IGHMBP2: variants seen among roughly 807,000 people sequenced by gnomAD.
The protein encoded by IGHMBP2 is immunoglobulin mu DNA binding protein 2.
Under a neutral mutation model 96.0 loss-of-function variants are expected in IGHMBP2, and 81 were observed. That is an observed-to-expected ratio of 0.84 (90% confidence interval 0.71 to 1.01). The LOEUF is 1.01. Among genes scored for constraint, IGHMBP2 ranks in the 50% least tolerant of loss-of-function variants. IGHMBP2 has a pLI of 0.00. For missense variants in IGHMBP2, 1,227 were observed against 1,306.3 expected (o/e 0.94, Z 0.94); for synonymous variants, 557 against 548.9 (o/e 1.01, Z -0.21).
At chr11:68,908,015 A>G (rs549057811) in intron 2 of IGHMBP2, 130 bp from the exon 3 acceptor site, 1 of 844,924 alleles carries the variant, frequency 1.2e-6, no homozygotes, top group Non-Finnish European at 2.0e-6. Context: ...TTTTTTTTTA[A>G]CTGTTACTGA....
intron 4 of IGHMBP2, 126 bp from the exon 5 acceptor site, chr11:68,911,314 C>A: frequency 3.4e-6 from 3 of 884,424 alleles, no homozygotes; most frequent in Non-Finnish European, 5.5e-6. Context: ...GATTGGGTTG[C>A]CCCTGGGGAG....
intron 4 of IGHMBP2, among the ~76,000 whole-genome samples, chr11:68,910,780 G>A: frequency 6.6e-6 from 1 of 151,926 alleles, no homozygotes; most frequent in East Asian, 1.9e-4. Context: ...CTACTCTGGA[G>A]GCTGAGGCAG....
chr11:68,914,980 C>A lies in IGHMBP2; in HGVS notation c.869C>A (p.Ala290Asp). The change falls in exon 6 of 15, where the codon GCC (alanine) becomes GAC (aspartate). Residue 290 changes from alanine to aspartate, a missense_variant. Around this residue, in one of 3 missense-constraint regions of IGHMBP2, gnomAD observed 507 missense variants for 496.9 expected, o/e 1.02. Coordinates refer to ENST00000255078, the MANE Select transcript of IGHMBP2 (RefSeq NM_002180.3). ...GCGGTTTTAGCGCGGAGCGACAGTGCCCAGATTGTTGCAGATATCAGGAAG... is the reference window on the plus strand; with the variant it reads ...GCGGTTTTAGCGCGGAGCGACAGTGACCAGATTGTTGCAGATATCAGGAAG... ...LDAVLARSDSAQIVADIRKDI... is the reference protein window; with the variant it reads ...LDAVLARSDSDQIVADIRKDI... 6.2e-7 allele frequency: 1 copy of A among 1,614,070 alleles called. No homozygotes were observed. The highest frequency in any genetic ancestry group is 1.1e-5 in the South Asian group (1 of 91,066).
intron 10 of IGHMBP2, chr11:68,934,178 TG>T (rs2154008669): frequency 1.6e-6 from 1 of 611,272 alleles, no homozygotes; most frequent in Admixed American, 2.6e-5. Flanking sequence ...GGTCTGGTGA[TG>T]GGAACTGTCA....
At chr11:68,904,954 G>A (rs1462267785) in intron 1 of IGHMBP2, among the ~76,000 whole-genome samples, 2 of 151,802 alleles carry the variant, frequency 1.3e-5, no homozygotes, top group Non-Finnish European at 2.9e-5. Context: ...GCGCCACCAC[G>A]TCCTGCTAAT....
At chr11:68,930,547 A>G (rs1859251768) in intron 8 of IGHMBP2, 1 of 1,216,018 alleles carries the variant, frequency 8.2e-7, no homozygotes. Flanking sequence ...GCTCTGAAAG[A>G]TCGTCCTGGT....
In IGHMBP2 at chr11:68,936,961, G is replaced by T; in HGVS notation, c.2481G>T (p.Gln827His). 1 of 1,606,032 alleles carries T rather than the reference G, an allele frequency of 6.2e-7. No homozygotes were observed. ...QPPREQRGPD[Q>H]PDLRTLHLER... ...CCAGGGAGCAGCGTGGCCCAGACCA[G>T]CCTGATCTGAGGACGCTGCACCTGG... Residue 827 changes from glutamine (Q) to histidine (H), a missense_variant, in exon 13 of 15, where the codon CAG becomes CAT. By Grantham distance (24) the Gln-to-His change is conservative. Transcript: ENST00000255078.
intron 4 of IGHMBP2, among the ~76,000 whole-genome samples, chr11:68,910,012 A>G (rs955037257): frequency 1.2e-4 from 19 of 152,288 alleles, no homozygotes; most frequent in Admixed American, 9.2e-4. Flanking sequence ...GTCACTGCCC[A>G]TGATTTAACA....
chr11:68,925,142 CTTTTTTT>C lies in IGHMBP2; in HGVS notation c.1061-4026_1061-4020del, dbSNP rs921409570. ...TGCTCTAAGGAACAGAGTCCAGGTT[CTTTTTTT>C]TTTTTTTTTTTTTTGAGACAGCATC... On this transcript the variant is annotated intron_variant, in intron 7 of 14. Coordinates refer to ENST00000255078, the MANE Select transcript of IGHMBP2 (RefSeq NM_002180.3). Among the ~76,000 whole-genome samples, 82 of 108,708 alleles carry C rather than the reference CTTTTTTT, an allele frequency of 7.5e-4. 1 individual carries two copies. The South Asian group carries it at 0.024, about 31-fold the overall frequency. 71.3% of individuals were successfully genotyped at this position (108,708 alleles called of 152,430 possible).
intron 8 of IGHMBP2, chr11:68,929,709 C>G (rs953773688): frequency 4.1e-6 from 4 of 984,656 alleles, no homozygotes. Flanking sequence ...GCTAACTGGC[C>G]TCTGGGTGGA....
chr11:68,937,982 G>C, intron 13 of IGHMBP2, 200 bp from the exon 14 acceptor site: 2 of 629,102 alleles, frequency 3.2e-6, no homozygotes, highest in Non-Finnish European at 5.7e-6. Flanking sequence ...AATTAATAGA[G>C]ACGGGGTCTC....
At position 68,933,873 on chromosome 11, in the gene IGHMBP2, T is replaced by G; in HGVS notation, c.1497T>G (p.Phe499Leu). 2 of 1,604,878 alleles carry G rather than the reference T, an allele frequency of 1.2e-6. No individual in the cohort carries two copies. Among genetic ancestry groups the G allele is most frequent in the East Asian group, 2.2e-5 (1 of 44,622 alleles). ...LLVDTAGCGL[F>L]ELEEEDEQSK... ...TGGACACCGCCGGCTGCGGGCTGTT[T>G]GAGCTGGAGGAGGAGGACGAACAGT... The change falls in exon 10 of 15, where the codon TTT (phenylalanine) becomes TTG (leucine). Residue 499 changes from phenylalanine to leucine, a missense_variant. This residue lies in a region of IGHMBP2 where 703 missense variants were observed against 770.3 expected (regional missense o/e 0.91). Coordinates refer to ENST00000255078, the MANE Select transcript of IGHMBP2 (RefSeq NM_002180.3).
In IGHMBP2 at chr11:68,933,938, C is replaced by G. The variant is rs1458571205; in HGVS notation, c.1537+25C>G. 5.4e-6 allele frequency: 8 copies of G among 1,483,428 alleles called. No homozygotes were observed. The Admixed American group carries it at 7.5e-5, about 14-fold the overall frequency. The allele number at this position is 1,483,428 out of a possible 1,614,324, so 91.9% of individuals were successfully genotyped here. ...GGTGAGCTTGCTTGCAGATGGCCAGCTTTTTTGTTTAAACATACCTCCAGC... is the reference window on the plus strand; with the variant it reads ...GGTGAGCTTGCTTGCAGATGGCCAGGTTTTTTGTTTAAACATACCTCCAGC... On this transcript the variant is annotated intron_variant, in intron 10 of 14. Coordinates refer to ENST00000255078, the MANE Select transcript of IGHMBP2 (RefSeq NM_002180.3).
intron 13 of IGHMBP2, 155 bp from the exon 14 acceptor site, chr11:68,938,027 C>A: frequency 1.3e-6 from 1 of 779,180 alleles, no homozygotes; most frequent in South Asian, 1.4e-5. Flanking sequence ...TAGTTTTGAA[C>A]TCCTGGCCGC....
intron 11 of IGHMBP2, 92 bp from the exon 12 acceptor site, chr11:68,935,207 C>T: frequency 1.3e-6 from 2 of 1,534,240 alleles, no homozygotes; most frequent in Non-Finnish European, 1.8e-6. Flanking sequence ...CTGGCTGTTT[C>T]ACAGCGTGAG....
chr11:68,937,081 A>G lies in IGHMBP2; in HGVS notation c.2601A>G (p.Lys867=), dbSNP rs1463886387. ...GQQKLPEKKK[K]KAKGHPATDL... is the part of the protein sequence containing the mutation. ...AGAAACTTCCAGAAAAGAAAAAGAA[A>G]AAAGCCAAAGGTAAGTCAACTAATA... Residue 867 remains lysine (K), a synonymous_variant, in exon 13 of 15, where the codon AAA becomes AAG. Transcript: ENST00000255078. 2 of 1,598,198 alleles carry G rather than the reference A, an allele frequency of 1.3e-6. No individual in the cohort carries two copies. Among genetic ancestry groups the G allele is most frequent in the African/African-American group, 2.7e-5 (2 of 74,876 alleles).
At chr11:68,916,526 G>C (rs1302987689) in intron 6 of IGHMBP2, among the ~76,000 whole-genome samples, 1 of 152,168 alleles carries the variant, frequency 6.6e-6, no homozygotes, top group East Asian at 1.9e-4. Flanking sequence ...TAGTCTCAGA[G>C]GAGTGATGGC....
In IGHMBP2 at chr11:68,940,054, C is replaced by T. The variant is rs866010479; in HGVS notation, c.*323C>T. ...AAGGTTCCAGTCCCTGGAGAATACCCAGGGCCTCAAACTTGAAGTCACTCC... is the reference window on the plus strand; with the variant it reads ...AAGGTTCCAGTCCCTGGAGAATACCTAGGGCCTCAAACTTGAAGTCACTCC... On this transcript the variant is annotated 3_prime_UTR_variant, in exon 15 of 15. Coordinates refer to ENST00000255078, the MANE Select transcript of IGHMBP2 (RefSeq NM_002180.3). 4.3e-5 allele frequency: 16 copies of T among 370,082 alleles called. No homozygotes were observed. The highest frequency in any genetic ancestry group is 3.3e-4 in the African/African-American group (16 of 48,744). 22.9% of individuals were successfully genotyped at this position (370,082 alleles called of 1,614,324 possible). A position where few individuals can be genotyped will look rare whatever the true frequency, so the allele number is the denominator to read the frequency against.
chr11:68,930,425 G>A, intron 8 of IGHMBP2: 1 of 1,289,718 alleles, frequency 7.8e-7, no homozygotes, highest in Middle Eastern at 2.1e-4. Context: ...GGCAGCCCAG[G>A]AGTTGGCGGG....
Sources: allele counts gnomAD v4.1 joint callset (sites outside exome capture counted in the v4.1 genomes callset), GRCh38; gene constraint gnomAD v4.1.1; regional missense constraint gnomAD v4.1.1; transcripts MANE v1.5; gene names NCBI Gene and HGNC (gene_info 2026-07-23, HGNC 2026-07-21).